Variants in WDR89 observed in about 807,000 individuals in gnomAD.
WDR89 encodes the protein WD repeat domain 89.
In WDR89, 17 loss-of-function variants were observed where a neutral mutation model predicts 29.1. The observed-to-expected ratio is 0.58, with a 90% CI of 0.40 to 0.88. The LOEUF is 0.88. Ranked by LOEUF, WDR89 falls within the 40% of genes least tolerant of loss-of-function variation. WDR89 has a pLI of 0.00. For missense variants in WDR89, 396 were observed against 456.3 expected (o/e 0.87, Z 1.20); for synonymous variants, 138 against 157.8 (o/e 0.87, Z 0.94).
chr14:63,614,921 T>C (rs1595025630), intron 2 of WDR89, among the ~76,000 whole-genome samples: 1 of 152,256 alleles, frequency 6.6e-6, no homozygotes, highest in South Asian at 2.1e-4. Flanking sequence ...TATGGTATTC[T>C]TATTCACATA....
In WDR89 at chr14:63,599,607, A is replaced by T. The variant is rs113166045; in HGVS notation, c.336T>A (p.Gly112=). The part of the protein sequence containing the change: ...AREKPVQLFK[G]YPSNIFISFD... ...AACTGATAAAAATATTGGAAGGGTA[A>T]CCCTTGAAGAGCTGAACAGGTTTTT... Residue 112 remains glycine (G), a synonymous_variant, in exon 3 of 3, where the codon GGT becomes GGA. Coordinates refer to ENST00000620954, the MANE Select transcript of WDR89 (RefSeq NM_080666.4). 1.2e-6 allele frequency: 2 copies of T among 1,614,126 alleles called. No individual in the cohort carries two copies. The highest frequency in any genetic ancestry group is 1.7e-6 in the Non-Finnish European group (2 of 1,179,994).
At chr14:63,621,055 CATAA>C (rs536023030) in intron 2 of WDR89, among the ~76,000 whole-genome samples, 123 of 152,052 alleles carry the variant, frequency 8.1e-4, no homozygotes, top group African/African-American at 2.8e-3. Context: ...TGCTGTACTC[CATAA>C]ATATATACAA....
At chr14:63,629,169 G>A (rs1411843701) in intron 1 of WDR89, among the ~76,000 whole-genome samples, 3 of 152,102 alleles carry the variant, frequency 2.0e-5, no homozygotes, top group Non-Finnish European at 4.4e-5. Flanking sequence ...AGGTGCTAGA[G>A]GGACAGTGAT....
At chr14:63,601,358 C>T (rs1254395008) in intron 2 of WDR89, among the ~76,000 whole-genome samples, 1 of 151,054 alleles carries the variant, frequency 6.6e-6, no homozygotes, top group African/African-American at 2.4e-5. Context: ...TCAGGCTTCA[C>T]GGACTGTGCT....
At chr14:63,610,982 G>C (rs1215009242) in intron 2 of WDR89, among the ~76,000 whole-genome samples, 2 of 152,036 alleles carry the variant, frequency 1.3e-5, no homozygotes, top group East Asian at 3.9e-4. Flanking sequence ...TTATAGGCAT[G>C]AGCCACTGTG....
rs990307727 is a variant in WDR89 at position 63,615,066 on chromosome 14, C to A, written c.-32+9862G>T. Among the ~76,000 whole-genome samples, 50 of 152,184 alleles carry A rather than the reference C, an allele frequency of 3.3e-4. 1 individual carries two copies. Among genetic ancestry groups the A allele is most frequent in the Non-Finnish European group, 6.3e-4 (43 of 68,030 alleles). On this transcript the variant is annotated intron_variant, in intron 2 of 2. Transcript: ENST00000620954. ...AAGGGGGAGGACTGGGAGGAAATGA[C>A]ACATACTTTCTCATGCAGTGTGAGA...
chr14:63,640,015 G>A lies in WDR89; in HGVS notation c.-138+1789C>T, dbSNP rs115183945. On this transcript the variant is annotated intron_variant, in intron 1 of 2. Coordinates refer to ENST00000620954, the MANE Select transcript of WDR89 (RefSeq NM_080666.4). Reference sequence around the variant, plus strand: ...AAGAACCCAAAAAGTAGTTACATGGGCTTGATCTTACTTTTGCTTTACAAT... The same window carrying A: ...AAGAACCCAAAAAGTAGTTACATGGACTTGATCTTACTTTTGCTTTACAAT... Among the ~76,000 whole-genome samples the A allele has an allele frequency of 4.3e-3, 653 of 152,300 alleles. 4 individuals are homozygous for A. The highest frequency in any genetic ancestry group is 0.015 in the African/African-American group (618 of 41,548).
intron 2 of WDR89, among the ~76,000 whole-genome samples, chr14:63,602,050 A>G (rs1017904073): frequency 3.9e-5 from 6 of 152,182 alleles, no homozygotes; most frequent in South Asian, 4.1e-4. Context: ...TGCTTTAGTG[A>G]TATCTTCTTA....
intron 1 of WDR89, among the ~76,000 whole-genome samples, chr14:63,627,148 ACACT>A (rs58725610): frequency 0.023 from 2,950 of 128,132 alleles, 55 homozygotes; most frequent in African/African-American, 0.079. Flanking sequence ...ACACACACAC[ACACT>A]CTCTCTCTCT....
At chr14:63,612,215 T>C (rs1487850063) in intron 2 of WDR89, among the ~76,000 whole-genome samples, 1 of 152,010 alleles carries the variant, frequency 6.6e-6, no homozygotes, top group African/African-American at 2.4e-5. Flanking sequence ...ACGTCCCTAA[T>C]CTAGCTTCAT....
rs58161137 is a variant in WDR89, at chr14:63,602,462, CAAAAAAA to C, written c.-31-2496_-31-2490del. On this transcript the variant is annotated intron_variant, in intron 2 of 2. Coordinates refer to ENST00000620954, the MANE Select transcript of WDR89 (RefSeq NM_080666.4). ...TGAACAACAGAGTGAGATTCCTACT[CAAAAAAA>C]AAAAAAAAAAAAAAAAAAGATGGCT... 1.7e-4 allele frequency among the ~76,000 whole-genome samples: 6 copies of C among 35,638 alleles called. 1 individual carries two copies. The South Asian group carries it at 4.1e-3, about 25-fold the overall frequency. 23.4% of individuals were successfully genotyped at this position (35,638 alleles called of 152,430 possible).
At chr14:63,635,987 A>G (rs963950941) in intron 1 of WDR89, among the ~76,000 whole-genome samples, 1 of 152,152 alleles carries the variant, frequency 6.6e-6, no homozygotes, top group Admixed American at 6.6e-5. Context: ...CAGGTGGATC[A>G]CTTGAGGTCA....
Position 63,641,817 on chromosome 14 carries a change from A to G in WDR89, c.-151T>C, listed in dbSNP as rs1884164476. 6.6e-6 allele frequency: 1 copy of G among 152,400 alleles called. No homozygotes were observed. Among genetic ancestry groups the G allele is most frequent in the African/African-American group, 2.4e-5 (1 of 41,470 alleles). 9.4% of individuals were successfully genotyped at this position (152,400 alleles called of 1,614,324 possible). On this transcript the variant is annotated 5_prime_UTR_variant, in exon 1 of 3. Coordinates refer to ENST00000620954, the MANE Select transcript of WDR89 (RefSeq NM_080666.4). Reference sequence around the variant, plus strand: ...AGCAAAATGTACCTTAGTAGCCTCAACCTGTACCGGAGAAAACGCAGGCTG... The same window carrying G: ...AGCAAAATGTACCTTAGTAGCCTCAGCCTGTACCGGAGAAAACGCAGGCTG...
Position 63,637,954 on chromosome 14 carries a change from T to A in WDR89, c.-138+3850A>T, listed in dbSNP as rs565404920. 7.8e-4 allele frequency among the ~76,000 whole-genome samples: 117 copies of A among 150,738 alleles called. 1 individual carries two copies. Among genetic ancestry groups the A allele is most frequent in the African/African-American group, 2.7e-3 (113 of 41,190 alleles). ...GTACCCCAATAACTTACGGAAAAAT[T>A]TTTTTTTTTTCAAAACAGCCTCGCT... On this transcript the variant is annotated intron_variant, in intron 1 of 2. Transcript: ENST00000620954.
intron 2 of WDR89, among the ~76,000 whole-genome samples, chr14:63,603,130 C>T (rs1895152539): frequency 6.6e-6 from 1 of 152,006 alleles, no homozygotes; most frequent in South Asian, 2.1e-4. Flanking sequence ...ACTTATTTTT[C>T]CTTTGGAGAT....
chr14:63,616,435 T>C (rs1264859267), intron 2 of WDR89, among the ~76,000 whole-genome samples: 1 of 151,866 alleles, frequency 6.6e-6, no homozygotes, highest in Non-Finnish European at 1.5e-5. Flanking sequence ...ATAATAAAAA[T>C]AGTGAGGAGT....
chr14:63,629,503 C>A (rs1339710270), intron 1 of WDR89, among the ~76,000 whole-genome samples: 1 of 152,236 alleles, frequency 6.6e-6, no homozygotes, highest in African/African-American at 2.4e-5. Flanking sequence ...CCCTCAGGAA[C>A]AGTTTACTTT....
chr14:63,634,022 G>C (rs540930621), intron 1 of WDR89, among the ~76,000 whole-genome samples: 4 of 152,086 alleles, frequency 2.6e-5, no homozygotes, highest in African/African-American at 7.2e-5. Flanking sequence ...TTAAAATTAC[G>C]AGAACTGTAA....
At chr14:63,605,383 G>T (rs150954391) in intron 2 of WDR89, among the ~76,000 whole-genome samples, 89 of 151,718 alleles carry the variant, frequency 5.9e-4, no homozygotes, top group African/African-American at 2.1e-3. Flanking sequence ...ATACAATTAT[G>T]TACAGTACAT....
Sources: gnomAD v4.1 joint callset for allele counts (sites outside exome capture counted in the v4.1 genomes callset) on GRCh38, gnomAD v4.1.1 for gene constraint, MANE v1.5 for transcripts, NCBI Gene and HGNC (gene_info 2026-07-23, HGNC 2026-07-21) for gene names.